THSD7B: variants seen among roughly 807,000 people sequenced by gnomAD.
THSD7B encodes the protein thrombospondin type 1 domain containing 7B.
In THSD7B, 138 loss-of-function variants were observed where a neutral mutation model predicts 213.6. The observed-to-expected ratio is 0.65, with a 90% CI of 0.56 to 0.74. THSD7B has a LOEUF of 0.74. Among genes scored for constraint, THSD7B ranks in the 30% least tolerant of loss-of-function variants. The pLI is 0.00. For synonymous variants in THSD7B, 742 were observed against 687.0 expected, an observed-to-expected ratio of 1.08 and a Z score of -1.25; for missense variants, 1,931 against 1,991.5, an observed-to-expected ratio of 0.97 and a Z score of 0.58.
chr2:137,271,301 A>G (rs1200025771), intron 10 of THSD7B, among the ~76,000 whole-genome samples: 1 of 150,336 alleles, frequency 6.7e-6, no homozygotes, highest in Admixed American at 6.7e-5. Flanking sequence ...CTGTCTTTGT[A>G]AATAAATGCC....
Position 136,938,373 on chromosome 2 carries a change from TAGTTTA to T in THSD7B, c.139+56063_139+56068del, listed in dbSNP as rs112676154. The stretch of plus-strand genomic sequence containing the variant: ...GGAGCTGAAAATAAACAATTAAATT[TAGTTTA>T]AGTTTATCTTGCAGTGGGGAAGAGT... On this transcript the variant is annotated intron_variant, in intron 2 of 27. Coordinates refer to ENST00000409968, the MANE Select transcript of THSD7B (RefSeq NM_001316349.2). 7.2e-4 allele frequency among the ~76,000 whole-genome samples: 109 copies of T among 152,250 alleles called. 1 individual carries two copies. Among genetic ancestry groups the T allele is most frequent in the Middle Eastern group, 6.8e-3 (2 of 294 alleles).
intron 9 of THSD7B, among the ~76,000 whole-genome samples, chr2:137,239,408 T>G (rs1681850510): frequency 6.6e-6 from 1 of 152,158 alleles, no homozygotes; most frequent in Admixed American, 6.5e-5. Context: ...CCACCCCGGC[T>G]CTCATTCACC....
intron 7 of THSD7B, 108 bp downstream of exon 7, chr2:137,171,046 T>A (rs1680239356): frequency 8.3e-7 from 1 of 1,207,048 alleles, no homozygotes; most frequent in African/African-American, 1.5e-5. Flanking sequence ...GCACAGCCTT[T>A]CTTATCCTTG....
chr2:137,015,063 A>G (rs1466007373), intron 2 of THSD7B, among the ~76,000 whole-genome samples: 1 of 151,976 alleles, frequency 6.6e-6, no homozygotes, highest in African/African-American at 2.4e-5. Context: ...CTGCATCGTG[A>G]TACTTATCAC....
chr2:137,454,468 A>C (rs1009326921), intron 15 of THSD7B, among the ~76,000 whole-genome samples: 2 of 148,652 alleles, frequency 1.3e-5, no homozygotes. Flanking sequence ...CTATCTATCT[A>C]TCTATCTATG....
intron 2 of THSD7B, among the ~76,000 whole-genome samples, chr2:136,894,402 A>G (rs1356496762): frequency 2.6e-5 from 4 of 152,216 alleles, no homozygotes; most frequent in Non-Finnish European, 4.4e-5. Context: ...GGTTCAGAGC[A>G]TGGACACTGG....
At chr2:136,785,036 C>T (rs1001134604) in intron 1 of THSD7B, among the ~76,000 whole-genome samples, 6 of 152,194 alleles carry the variant, frequency 3.9e-5, no homozygotes, top group African/African-American at 1.4e-4. Flanking sequence ...GACATTACTA[C>T]CACCTTTCTC....
chr2:137,343,643 A>C lies in THSD7B; in HGVS notation c.2501-61970A>C, dbSNP rs183063683. Among the ~76,000 whole-genome samples the C allele has an allele frequency of 2.5e-3, 379 of 151,842 alleles. 1 individual carries two copies. The highest frequency in any genetic ancestry group is 8.7e-3 in the African/African-American group (359 of 41,498). On this transcript the variant is annotated intron_variant, in intron 12 of 27. Coordinates refer to ENST00000409968, the MANE Select transcript of THSD7B (RefSeq NM_001316349.2). ...GATACTGCCACTCAGTCATTTTAAC[A>C]ACCATGGCCCTACTTCTTGTTTTAA...
intron 9 of THSD7B, among the ~76,000 whole-genome samples, chr2:137,240,856 T>C (rs1251946873): frequency 6.6e-6 from 1 of 152,184 alleles, no homozygotes; most frequent in African/African-American, 2.4e-5. Context: ...TGCATGTTGG[T>C]CATTTTGTAT....
At position 137,541,524 on chromosome 2, in the gene THSD7B, C is replaced by G. The variant is rs1680609229; in HGVS notation, c.3139-21697C>G. Reference sequence around the variant, plus strand: ...AGGTTAATTCACATATCCATCATCTCACACACTTATCATTTCTTTGTTTTG... The same window carrying G: ...AGGTTAATTCACATATCCATCATCTGACACACTTATCATTTCTTTGTTTTG... On this transcript the variant is annotated intron_variant, in intron 15 of 27. Coordinates refer to ENST00000409968, the MANE Select transcript of THSD7B (RefSeq NM_001316349.2). Among the ~76,000 whole-genome samples, 4 of 151,726 alleles carry G rather than the reference C, an allele frequency of 2.6e-5. No homozygotes were observed. In the South Asian group the frequency reaches 8.3e-4, roughly 31 times the overall value.
chr2:137,664,814 C>A (rs77251801), intron 26 of THSD7B, among the ~76,000 whole-genome samples: 2 of 152,184 alleles, frequency 1.3e-5, no homozygotes, highest in Non-Finnish European at 1.5e-5. Context: ...ATCAGACATA[C>A]TTCTTTCGGA....
intron 20 of THSD7B, among the ~76,000 whole-genome samples, chr2:137,640,017 C>T (rs1214340618): frequency 1.3e-5 from 2 of 151,892 alleles, no homozygotes; most frequent in Non-Finnish European, 2.9e-5. Context: ...TGTTGGGGAG[C>T]CATTATTGGT....
intron 11 of THSD7B, among the ~76,000 whole-genome samples, chr2:137,275,400 C>T (rs74413354): frequency 0.027 from 4,102 of 152,106 alleles, 107 homozygotes; most frequent in Middle Eastern, 0.099. Context: ...GTGTGAAGGT[C>T]TGTACCTCAA....
intron 15 of THSD7B, among the ~76,000 whole-genome samples, chr2:137,509,809 G>A (rs1285763916): frequency 6.6e-6 from 1 of 152,144 alleles, no homozygotes; most frequent in Non-Finnish European, 1.5e-5. Flanking sequence ...ACTGTGGTTA[G>A]AGGCTTAGAT....
intron 2 of THSD7B, among the ~76,000 whole-genome samples, chr2:137,034,658 A>G (rs969428298): frequency 3.3e-5 from 5 of 151,170 alleles, no homozygotes; most frequent in African/African-American, 1.2e-4. Flanking sequence ...TCATTGTTCA[A>G]CTCCCACTTA....
rs146025074 is a variant in THSD7B at position 137,532,899 on chromosome 2, A to G, written c.3139-30322A>G. ...GCAAATAATGTGTGGCTATATGCAT[A>G]TATATGTATACATATATGCATAGAT... On this transcript the variant is annotated intron_variant, in intron 15 of 27. Transcript: ENST00000409968. 4.8e-3 allele frequency among the ~76,000 whole-genome samples: 721 copies of G among 151,614 alleles called. 3 individuals are homozygous for G. The highest frequency in any genetic ancestry group is 0.017 in the African/African-American group (689 of 41,438).
Position 137,665,438 on chromosome 2 carries a change from CAT to C in THSD7B, c.4651+1864_4651+1865del, listed in dbSNP as rs1025281464. On this transcript the variant is annotated intron_variant, in intron 26 of 27. Transcript: ENST00000409968. ...TATATGTATATTGGTATATAAATTG[CAT>C]GTGTGTGTGTGTTTATATTTGTATC... Among the ~76,000 whole-genome samples, 15 of 151,826 alleles carry C rather than the reference CAT, an allele frequency of 9.9e-5. 1 individual carries two copies. The highest frequency in any genetic ancestry group is 3.4e-3 in the Middle Eastern group (1 of 292).
intron 6 of THSD7B, among the ~76,000 whole-genome samples, chr2:137,170,470 G>A (rs951362642): frequency 6.6e-5 from 10 of 152,198 alleles, no homozygotes; most frequent in South Asian, 2.1e-4. Flanking sequence ...TAGGACTTAC[G>A]CTACTTATTA....
intron 1 of THSD7B, among the ~76,000 whole-genome samples, chr2:136,818,122 C>T (rs1224074609): frequency 6.7e-6 from 1 of 150,072 alleles, no homozygotes; most frequent in African/African-American, 2.5e-5. Context: ...GCATTATTCA[C>T]AATAGCAAAG....
Sources: gnomAD v4.1 joint callset for allele counts (sites outside exome capture counted in the v4.1 genomes callset) on GRCh38, gnomAD v4.1.1 for gene constraint, MANE v1.5 for transcripts, NCBI Gene and HGNC (gene_info 2026-07-23, HGNC 2026-07-21) for gene names.